The following IL1R2 variants were observed in gnomAD, a reference collection of about 807,000 sequenced individuals.
IL1R2 encodes interleukin 1 receptor type 2, also known as interleukin-1 receptor type 2.
IL1R2 carries 46 observed loss-of-function variants against 39.5 expected under a neutral mutation model. That is an observed-to-expected ratio of 1.16 (90% CI 0.92 to 1.49). The LOEUF is 1.49. Ranked by LOEUF, IL1R2 falls within the 40% of genes most tolerant of loss-of-function variation. IL1R2 has a pLI of 0.00. For missense variants in IL1R2, 537 were observed against 502.0 expected (o/e 1.07, Z -0.67); for synonymous variants, 207 against 189.6 (o/e 1.09, Z -0.75).
chr2:101,998,906 C>T (rs1025659604), intron 1 of IL1R2: 1 of 152,202 alleles, frequency 6.6e-6, no homozygotes, highest in African/African-American at 2.4e-5. Flanking sequence ...TTGGTTACAC[C>T]AAGTTACAGG....
In IL1R2 at chr2:102,014,972, AATAATC is replaced by A. The variant is rs1222087318; in HGVS notation, c.333-895_333-890del. Among the ~76,000 whole-genome samples, 102 of 135,398 alleles carry A rather than the reference AATAATC, an allele frequency of 7.5e-4. No individual in the cohort carries two copies. In the East Asian group the frequency reaches 0.011, roughly 14 times the overall value. 88.8% of individuals were successfully genotyped at this position (135,398 alleles called of 152,430 possible). A position where few individuals can be genotyped will look rare whatever the true frequency, so the allele number is the denominator to read the frequency against. On this transcript the variant is annotated intron_variant, in intron 3 of 8. Transcript: ENST00000332549. Reference sequence around the variant, plus strand: ...AAATAATAATAATAATAATAATAATAATAATCATATAATAATAAAGCAAACTTACCA... The same window carrying A: ...AAATAATAATAATAATAATAATAATAATATAATAATAAAGCAAACTTACCA...
intron 1 of IL1R2, among the ~76,000 whole-genome samples, chr2:101,996,505 T>TG (rs1553612761): frequency 8.2e-4 from 113 of 137,324 alleles, no homozygotes; most frequent in Non-Finnish European, 1.1e-3. Flanking sequence ...TTTTTTTTTT[T>TG]GGGGGGGAGA....
intron 8 of IL1R2, among the ~76,000 whole-genome samples, chr2:102,027,618 G>A (rs990588185): frequency 1.2e-4 from 18 of 152,346 alleles, no homozygotes; most frequent in African/African-American, 3.4e-4. Context: ...AACAGACTGT[G>A]ATAGATAATA....
chr2:101,996,845 AG>A (rs1373728760), intron 1 of IL1R2, among the ~76,000 whole-genome samples: 2 of 152,024 alleles, frequency 1.3e-5, no homozygotes, highest in African/African-American at 2.4e-5. Flanking sequence ...GACGCCAAAA[AG>A]ATACCTTTAA....
At chr2:101,997,415 C>G (rs1324886342) in intron 1 of IL1R2, among the ~76,000 whole-genome samples, 1 of 152,206 alleles carries the variant, frequency 6.6e-6, no homozygotes, top group African/African-American at 2.4e-5. Flanking sequence ...GCACCTGTTG[C>G]TGCACCTGAA....
At chr2:101,999,270 C>T (rs1273154078) in intron 1 of IL1R2, among the ~76,000 whole-genome samples, 1 of 152,128 alleles carries the variant, frequency 6.6e-6, no homozygotes, top group Non-Finnish European at 1.5e-5. Flanking sequence ...TAGGTGTTTC[C>T]CACACTCAGA....
chr2:102,026,010 G>A (rs187484197), intron 7 of IL1R2, 101 bp from the exon 8 acceptor site: 23 of 869,618 alleles, frequency 2.6e-5, no homozygotes, highest in Admixed American at 5.4e-5. Context: ...CAATAAAAGC[G>A]CAATGGGTAC....
At position 102,018,231 on chromosome 2, in the gene IL1R2, C is replaced by T. The variant is rs76415149; in HGVS notation, c.514-1407C>T. ...GATTATAGGTGCAAGCCCCCAAGCC[C>T]AGCCTAGAATGCATTCTCTTTTGGT... is the stretch of plus-strand genomic sequence containing the variant. On this transcript the variant is annotated intron_variant, in intron 4 of 8. Transcript: ENST00000332549. Among the ~76,000 whole-genome samples, 487 of 152,304 alleles carry T rather than the reference C, an allele frequency of 3.2e-3. 11 individuals are homozygous for T. The East Asian group carries it at 0.046, about 14-fold the overall frequency.
At chr2:102,020,980 G>A (rs780868986) in intron 5 of IL1R2, among the ~76,000 whole-genome samples, 1 of 152,158 alleles carries the variant, frequency 6.6e-6, no homozygotes, top group Non-Finnish European at 1.5e-5. Flanking sequence ...TGTCTCACAA[G>A]CCCCCGGGTG....
At chr2:101,995,298 G>GT (rs61080993) in intron 1 of IL1R2, among the ~76,000 whole-genome samples, 5,605 of 152,042 alleles carry the variant, frequency 0.037, 342 homozygotes, top group African/African-American at 0.13. Context: ...AGCAGATGTT[G>GT]TTTTTTTTCC....
chr2:102,024,948 TA>T, intron 7 of IL1R2: 1 of 360,788 alleles, frequency 2.8e-6, no homozygotes, highest in Non-Finnish European at 5.1e-6. Context: ...TTTCGCAAGT[TA>T]AAAAATATTT....
intron 1 of IL1R2, among the ~76,000 whole-genome samples, chr2:102,003,680 C>T (rs1364793069): frequency 6.8e-6 from 1 of 146,868 alleles, no homozygotes; most frequent in East Asian, 2.0e-4. Flanking sequence ...GTGTCGGTGT[C>T]TGTGTCGGTG....
At chr2:102,012,704 C>T (rs1440261979) in intron 3 of IL1R2, among the ~76,000 whole-genome samples, 1 of 152,190 alleles carries the variant, frequency 6.6e-6, no homozygotes, top group Non-Finnish European at 1.5e-5. Context: ...GGCAAACCAT[C>T]TTCTATTCTT....
In IL1R2 at chr2:102,015,928, T is replaced by C. The variant is rs1056231350; in HGVS notation, c.390T>C (p.Asp130=). 6.2e-7 allele frequency: 1 copy of C among 1,614,064 alleles called. No homozygotes were observed. The highest frequency in any genetic ancestry group is 8.5e-7 in the Non-Finnish European group (1 of 1,179,922). Residue 130 remains aspartate, a synonymous_variant, in exon 4 of 9, where the codon GAT becomes GAC. Transcript: ENST00000332549. The stretch of plus-strand genomic sequence containing the variant: ...AGCTCAGAGTTTTTGAGAATACAGA[T>C]GCTTTCCTGCCGTTCATCTCATACC... The part of the protein sequence containing the change: ...SIELRVFENT[D]AFLPFISYPQ...
At chr2:102,013,558 G>GAAAAAAAAAAA (rs1676788000) in intron 3 of IL1R2, among the ~76,000 whole-genome samples, 1 of 33,740 alleles carries the variant, frequency 3.0e-5, no homozygotes, top group Admixed American at 3.8e-4. Context: ...AAAAAGGAAA[G>GAAAAAAAAAAA]AAAGAAAAGA....
intron 8 of IL1R2, among the ~76,000 whole-genome samples, chr2:102,027,713 G>A (rs1677820547): frequency 6.6e-6 from 1 of 152,068 alleles, no homozygotes; most frequent in African/African-American, 2.4e-5. Flanking sequence ...TTTTTATTCA[G>A]AGTCTCTTCC....
At chr2:102,000,058 G>T (rs1675775140) in intron 1 of IL1R2, among the ~76,000 whole-genome samples, 2 of 152,306 alleles carry the variant, frequency 1.3e-5, no homozygotes, top group Admixed American at 6.5e-5. Flanking sequence ...GCTGTGGAAT[G>T]GTCGCTTAGC....
chr2:102,020,218 A>G (rs1054438635), intron 5 of IL1R2, among the ~76,000 whole-genome samples: 7 of 152,246 alleles, frequency 4.6e-5, no homozygotes, highest in African/African-American at 1.2e-4. Context: ...TATTCTAACC[A>G]GAGAGCTAGC....
intron 4 of IL1R2, among the ~76,000 whole-genome samples, chr2:102,017,077 A>G (rs1677049113): frequency 6.6e-6 from 1 of 152,210 alleles, no homozygotes. Flanking sequence ...TAACAATTTT[A>G]TAGACATATT....
Sources: allele counts gnomAD v4.1 joint callset (sites outside exome capture counted in the v4.1 genomes callset), GRCh38; gene constraint gnomAD v4.1.1; transcripts MANE v1.5; gene names NCBI Gene and HGNC (gene_info 2026-07-23, HGNC 2026-07-21).